FNBP1: variants seen among roughly 807,000 people sequenced by gnomAD.
FNBP1 encodes formin binding protein 1, also known as formin-binding protein 1.
FNBP1 carries 26 observed loss-of-function variants against 90.6 expected under a neutral mutation model. That is an observed-to-expected ratio of 0.29 (90% CI 0.21 to 0.40). The LOEUF (loss-of-function observed/expected upper bound fraction) is 0.40. FNBP1 is among the 10% of genes least tolerant of loss of function. The pLI is 1.00. For synonymous variants in FNBP1, 260 were observed against 265.2 expected (o/e 0.98, Z 0.19); for missense variants, 635 against 768.0 (o/e 0.83, Z 2.05).
At chr9:129,892,314 G>C (rs965556417) in intron 16 of FNBP1, among the ~76,000 whole-genome samples, 2 of 150,208 alleles carry the variant, frequency 1.3e-5, no homozygotes, top group Non-Finnish European at 2.9e-5. Flanking sequence ...TTGACCCACC[G>C]GAAGTTACTC....
rs1316184558 is a variant in FNBP1, at chr9:129,888,720, G to A, written c.*1819C>T. ...AGCGTCTCTGCGCTTGTGGTTTCTC[G>A]TCCCCGAGGGCTGACTGAGCTGCTC... On this transcript the variant is annotated 3_prime_UTR_variant, in exon 17 of 17. Coordinates refer to ENST00000446176, the MANE Select transcript of FNBP1 (RefSeq NM_015033.3). 4 of 233,106 alleles carry A rather than the reference G, an allele frequency of 1.7e-5. No individual in the cohort carries two copies. Among genetic ancestry groups the A allele is most frequent in the East Asian group, 6.0e-5 (1 of 16,586 alleles). 14.4% of individuals were successfully genotyped at this position (233,106 alleles called of 1,614,324 possible).
In FNBP1 at chr9:129,908,903, C is replaced by T; in HGVS notation, c.1282G>A (p.Glu428Lys). The change falls in exon 12 of 17, where the codon GAG becomes AAG. Residue 428 changes from glutamate to lysine, a missense_variant. By Grantham distance (56) the Glu-to-Lys change is moderately conservative. Transcript: ENST00000446176. ...VDELNKEIQKEMDQRDAITKM... is the reference protein window; with the variant it reads ...VDELNKEIQKKMDQRDAITKM... ...GATGCACTATACCTTTGATCCATCTCCTTCTGAATTTCTTTATTTAACTCA... is the reference window on the plus strand; with the variant it reads ...GATGCACTATACCTTTGATCCATCTTCTTCTGAATTTCTTTATTTAACTCA... 6.2e-7 allele frequency: 1 copy of T among 1,608,824 alleles called. No homozygotes were observed. The highest frequency in any genetic ancestry group is 8.5e-7 in the Non-Finnish European group (1 of 1,175,854).
chr9:129,894,532 C>T (rs948913096), intron 16 of FNBP1, among the ~76,000 whole-genome samples: 1 of 152,114 alleles, frequency 6.6e-6, no homozygotes, highest in South Asian at 2.1e-4. Flanking sequence ...AAGCAAACCC[C>T]CAAAGTCTTT....
chr9:129,907,626 T>TGTGTGTGTGTGTG (rs2038386194), intron 12 of FNBP1, among the ~76,000 whole-genome samples: 2 of 148,578 alleles, frequency 1.3e-5, no homozygotes, highest in African/African-American at 2.5e-5. Context: ...TGTGTGTGTG[T>TGTGTGTGTGTGTG]TATTTGACTG....
intron 1 of FNBP1, among the ~76,000 whole-genome samples, chr9:130,001,868 CA>C (rs948698051): frequency 3.4e-5 from 5 of 148,304 alleles, no homozygotes; most frequent in Non-Finnish European, 6.0e-5. Context: ...TACAAAAATA[CA>C]AAAAAAAAAT....
chr9:129,895,871 A>G lies in FNBP1; in HGVS notation c.1813T>C (p.Tyr605His). The G allele has an allele frequency of 6.2e-7, 1 of 1,613,074 alleles. No homozygotes were observed. Residue 605 changes from tyrosine to histidine, a missense_variant, in exon 16 of 17, where the codon TAT (tyrosine) becomes CAT (histidine). Coordinates refer to ENST00000446176, the MANE Select transcript of FNBP1 (RefSeq NM_015033.3). ...TTTTTGTCCAAACAGACTTCGACAT[A>G]TGAAGTGGGGACATAACCCTCTTCA... ...EDEEGYVPTS[Y>H]VEVCLDKNAK...
At chr9:129,986,705 G>A (rs111766431) in intron 2 of FNBP1, among the ~76,000 whole-genome samples, 15,144 of 151,946 alleles carry the variant, frequency 0.1, 925 homozygotes, top group East Asian at 0.16. Flanking sequence ...CAGGAGAACC[G>A]CTTGAACCTG....
chr9:129,989,605 A>C (rs1019762214), intron 2 of FNBP1, among the ~76,000 whole-genome samples: 5 of 152,088 alleles, frequency 3.3e-5, no homozygotes, highest in African/African-American at 1.2e-4. Context: ...TGCAGGAGAC[A>C]ATGCGCAGTA....
Position 129,958,985 on chromosome 9 carries a change from C to CAAAAAAA in FNBP1, c.346-439_346-433dup, listed in dbSNP as rs60640596. On this transcript the variant is annotated intron_variant, in intron 4 of 16. Transcript: ENST00000446176. ...TGGATGACACAGTGAAACTCTGCCT[C>CAAAAAAA]AAAAAAAAAAAAAAAAAAAAAAGGA... Among the ~76,000 whole-genome samples, 10 of 9,154 alleles carry CAAAAAAA rather than the reference C, an allele frequency of 1.1e-3. 3 individuals are homozygous for CAAAAAAA. Among genetic ancestry groups the CAAAAAAA allele is most frequent in the African/African-American group, 2.0e-3 (5 of 2,480 alleles). 6.0% of individuals were successfully genotyped at this position (9,154 alleles called of 152,430 possible).
intron 16 of FNBP1, 128 bp downstream of exon 16, chr9:129,895,710 A>G (rs2035597045): frequency 1.5e-6 from 2 of 1,372,788 alleles, no homozygotes; most frequent in East Asian, 5.6e-5. Flanking sequence ...CTACAGGAGA[A>G]CGTGCATTAT....
chr9:129,945,078 C>T (rs567577729), intron 6 of FNBP1, among the ~76,000 whole-genome samples: 1 of 152,154 alleles, frequency 6.6e-6, no homozygotes, highest in East Asian at 1.9e-4. Context: ...TGCTTGATTG[C>T]TATTTTGTAC....
At chr9:129,909,175 G>A (rs2038752884) in intron 11 of FNBP1, 176 bp from the exon 12 acceptor site, 1 of 642,138 alleles carries the variant, frequency 1.6e-6, no homozygotes, top group African/African-American at 1.8e-5. Context: ...CATGCAAACT[G>A]CATAAGTCCC....
At chr9:129,937,547 A>C (rs888826067) in intron 6 of FNBP1, among the ~76,000 whole-genome samples, 1 of 151,054 alleles carries the variant, frequency 6.6e-6, no homozygotes, top group Non-Finnish European at 1.5e-5. Flanking sequence ...CCTGGCCAAC[A>C]CAGTGAAACC....
At chr9:129,991,124 C>T (rs2053083194) in intron 2 of FNBP1, among the ~76,000 whole-genome samples, 2 of 151,690 alleles carry the variant, frequency 1.3e-5, no homozygotes, top group South Asian at 4.2e-4. Flanking sequence ...TTAGTAGAGA[C>T]AGGGTTTCAC....
chr9:129,940,277 A>T (rs1221508671), intron 6 of FNBP1, among the ~76,000 whole-genome samples: 1 of 152,230 alleles, frequency 6.6e-6, no homozygotes, highest in Non-Finnish European at 1.5e-5. Context: ...AGTTAGTAAA[A>T]GATGCAAAAG....
At chr9:129,982,397 G>A (rs923323173) in intron 2 of FNBP1, among the ~76,000 whole-genome samples, 6 of 152,118 alleles carry the variant, frequency 3.9e-5, no homozygotes, top group Admixed American at 3.3e-4. Flanking sequence ...CTTGAACCTG[G>A]GAGGCAGAGG....
chr9:130,028,691 G>A (rs2058560540), intron 1 of FNBP1, among the ~76,000 whole-genome samples: 1 of 152,166 alleles, frequency 6.6e-6, no homozygotes, highest in Non-Finnish European at 1.5e-5. Context: ...GGCAAACAGA[G>A]TGCAGAGTTA....
intron 4 of FNBP1, among the ~76,000 whole-genome samples, chr9:129,972,535 CTTT>C (rs368848660): frequency 0.033 from 4,558 of 139,886 alleles, 81 homozygotes; most frequent in South Asian, 0.073. Context: ...TTTTCTTTTT[CTTT>C]TTTTTTTTTT....
chr9:129,946,273 A>G (rs2045275287), intron 6 of FNBP1, among the ~76,000 whole-genome samples: 1 of 152,224 alleles, frequency 6.6e-6, no homozygotes. Context: ...TCTGCTTCAC[A>G]ACAGGGACAT....
Sources: gnomAD v4.1 joint callset for allele counts (sites outside exome capture counted in the v4.1 genomes callset) on GRCh38, gnomAD v4.1.1 for gene constraint, MANE v1.5 for transcripts, NCBI Gene and HGNC (gene_info 2026-07-23, HGNC 2026-07-21) for gene names.